Variants in OR56A3 observed in about 807,000 individuals in gnomAD.
OR56A3 encodes olfactory receptor 56A3.
A neutral mutation model predicts 17.5 loss-of-function variants in OR56A3; 23 were observed. That is an observed-to-expected ratio of 1.32 (90% CI 0.95 to 1.87). The LOEUF is 1.87. OR56A3 is among the 40% of genes most tolerant of loss of function. OR56A3 has a pLI of 0.00. For synonymous variants in OR56A3, 175 were observed against 150.6 expected, an observed-to-expected ratio of 1.16 and a Z score of -1.19; for missense variants, 366 against 380.1, an observed-to-expected ratio of 0.96 and a Z score of 0.31.
At chr11:5,952,585 G>A (rs1847913755), downstream of OR56A3, among the ~76,000 whole-genome samples, 2 of 151,378 alleles carry the variant, frequency 1.3e-5, no homozygotes, top group Admixed American at 1.3e-4. Flanking sequence ...ATGGTGGGGG[G>A]GTTGTAGTAA....
chr11:6,021,189 A>C, the OR56A3 span: 13 of 152,214 alleles, frequency 8.5e-5, no homozygotes, highest in South Asian at 2.5e-3. Flanking sequence ...GATAGATCAA[A>C]AACCTATTAG....
chr11:5,952,327 G>A (rs911649282), downstream of OR56A3, among the ~76,000 whole-genome samples: 1 of 152,156 alleles, frequency 6.6e-6, no homozygotes, highest in African/African-American at 2.4e-5. Context: ...TTGAGCCAAA[G>A]CAGGAACAGA....
chr11:5,973,332 A>T, the OR56A3 span, among the ~76,000 whole-genome samples: 2 of 152,180 alleles, frequency 1.3e-5, no homozygotes, highest in East Asian at 3.9e-4. Context: ...AATATGGACT[A>T]CTGAGAAATA....
At chr11:5,994,774 G>C in the OR56A3 span, 3 of 759,574 alleles carry the variant, frequency 3.9e-6, no homozygotes, top group African/African-American at 3.4e-5. Flanking sequence ...CAAAGGTCTT[G>C]AAGTAATGTC....
the OR56A3 span, among the ~76,000 whole-genome samples, chr11:5,980,856 C>T: frequency 2.2e-4 from 33 of 152,220 alleles, 1 homozygote; most frequent in African/African-American, 7.9e-4. Context: ...GGCAGGTCTA[C>T]TGGTAACAAA....
At chr11:6,005,712 T>C in the OR56A3 span, among the ~76,000 whole-genome samples, 13 of 152,340 alleles carry the variant, frequency 8.5e-5, no homozygotes, top group African/African-American at 2.9e-4. Context: ...GCTCATTTCT[T>C]AGTTCAGAGG....
At chr11:5,974,173 C>T in the OR56A3 span, among the ~76,000 whole-genome samples, 1 of 149,950 alleles carries the variant, frequency 6.7e-6, no homozygotes, top group East Asian at 2.0e-4. Context: ...GTGGCACGAT[C>T]TCGGCTTATT....
At chr11:5,966,520 G>T in the OR56A3 span, among the ~76,000 whole-genome samples, 1 of 152,032 alleles carries the variant, frequency 6.6e-6, no homozygotes, top group Admixed American at 6.6e-5. Flanking sequence ...CCAAAAAGGG[G>T]CCTAGCTACT....
chr11:5,979,670 C>T, the OR56A3 span, among the ~76,000 whole-genome samples: 8 of 151,928 alleles, frequency 5.3e-5, no homozygotes, highest in Middle Eastern at 3.4e-3. Flanking sequence ...TTTCATTGAT[C>T]TTTTGTATAG....
At chr11:5,998,944 G>A in the OR56A3 span, among the ~76,000 whole-genome samples, 3 of 152,216 alleles carry the variant, frequency 2.0e-5, no homozygotes, top group Non-Finnish European at 4.4e-5. Flanking sequence ...GGGGCAAGTG[G>A]CATTGGAAGC....
At chr11:5,966,893 AACACACACACACACAC>A in the OR56A3 span, among the ~76,000 whole-genome samples, 1 of 147,132 alleles carries the variant, frequency 6.8e-6, no homozygotes, top group Non-Finnish European at 1.5e-5. Context: ...CACTTAAAGC[AACACACACACACACAC>A]ACACACACAC....
the OR56A3 span, among the ~76,000 whole-genome samples, chr11:5,969,100 T>C: frequency 6.6e-6 from 1 of 152,196 alleles, no homozygotes; most frequent in East Asian, 1.9e-4. Context: ...AAACTCCCTA[T>C]CACTCTGACA....
At position 5,948,112 on chromosome 11, in the gene OR56A3, A is replaced by G. The variant is rs1404511189; in HGVS notation, c.766A>G (p.Ser256Gly). 1.2e-6 allele frequency: 2 copies of G among 1,614,218 alleles called. No individual in the cohort carries two copies. Among genetic ancestry groups the G allele is most frequent in the East Asian group, 2.2e-5 (1 of 44,886 alleles). The stretch of plus-strand genomic sequence containing the variant: ...CCACTTCATGCTCATCCTCTTCTTC[A>G]GCACCATCCTTCTGGTTTTTGTCCT... ...GSHFMLILFF[S>G]TILLVFVLTH... Residue 256 changes from serine to glycine, a missense_variant, in exon 3 of 3, where the codon AGC (serine) becomes GGC (glycine). By Grantham distance (56) the Ser-to-Gly change is moderately conservative (BLOSUM62 0). Coordinates refer to ENST00000641160, the MANE Select transcript of OR56A3 (RefSeq NM_001003443.3).
chr11:5,970,628 T>C, the OR56A3 span, among the ~76,000 whole-genome samples: 1 of 150,920 alleles, frequency 6.6e-6, no homozygotes, highest in Non-Finnish European at 1.5e-5. Flanking sequence ...CAAAAAGCAA[T>C]GTGAATACAT....
chr11:5,977,677 A>G, the OR56A3 span, among the ~76,000 whole-genome samples: 1 of 152,218 alleles, frequency 6.6e-6, no homozygotes, highest in South Asian at 2.1e-4. Flanking sequence ...TGTTTACTGT[A>G]TTGATAATTT....
the OR56A3 span, among the ~76,000 whole-genome samples, chr11:5,963,019 A>G: frequency 1.3e-5 from 2 of 152,106 alleles, no homozygotes; most frequent in Admixed American, 6.5e-5. Flanking sequence ...GATACTTTGT[A>G]TTTCTGCGAT....
the OR56A3 span, among the ~76,000 whole-genome samples, chr11:5,960,185 A>G: frequency 1.6e-4 from 25 of 152,048 alleles, no homozygotes; most frequent in African/African-American, 5.6e-4. Context: ...AGAATTTTCT[A>G]TTTCTGTGAA....
the OR56A3 span, among the ~76,000 whole-genome samples, chr11:5,992,525 C>G: frequency 6.6e-6 from 1 of 152,204 alleles, no homozygotes; most frequent in African/African-American, 2.4e-5. Context: ...TTCCGGCATG[C>G]AAATCTCTGC....
the OR56A3 span, among the ~76,000 whole-genome samples, chr11:5,983,218 A>G: frequency 3.3e-5 from 5 of 152,072 alleles, no homozygotes; most frequent in African/African-American, 1.2e-4. Context: ...CTTTTCTAAT[A>G]TAGGCATTTA....
Sources: allele counts gnomAD v4.1 joint callset (sites outside exome capture counted in the v4.1 genomes callset), GRCh38; gene constraint gnomAD v4.1.1; transcripts MANE v1.5; gene names NCBI Gene and HGNC (gene_info 2026-07-23, HGNC 2026-07-21).